Variants in LRFN5 observed in about 807,000 individuals in gnomAD.
The protein encoded by LRFN5 is leucine-rich repeat and fibronectin type-III domain-containing protein 5.
Under a neutral mutation model 45.6 loss-of-function variants are expected in LRFN5, and 24 were observed. That is an observed-to-expected ratio of 0.53 (90% CI 0.38 to 0.74). The LOEUF is 0.74. LRFN5 is among the 30% of genes least tolerant of loss of function. The pLI is 0.00. For missense variants in LRFN5, 776 were observed against 861.5 expected, an observed-to-expected ratio of 0.90 and a Z score of 1.24; for synonymous variants, 340 against 313.8, an observed-to-expected ratio of 1.08 and a Z score of -0.88.
intron 3 of LRFN5, among the ~76,000 whole-genome samples, chr14:41,889,144 A>G (rs548259633): frequency 6.6e-6 from 1 of 150,858 alleles, no homozygotes; most frequent in East Asian, 2.0e-4. Context: ...TGTTTAAGAT[A>G]TTCAGAAATC....
At chr14:41,793,052 G>T (rs1315196568) in intron 2 of LRFN5, among the ~76,000 whole-genome samples, 1 of 151,242 alleles carries the variant, frequency 6.6e-6, no homozygotes, top group Admixed American at 6.6e-5. Flanking sequence ...AATGCTAGAG[G>T]ACGAGTTAGT....
chr14:41,765,922 T>G (rs974165667), intron 1 of LRFN5, among the ~76,000 whole-genome samples: 5 of 152,150 alleles, frequency 3.3e-5, no homozygotes, highest in Admixed American at 6.5e-5. Context: ...TATAATCACT[T>G]CTTTAAATTT....
chr14:41,704,471 T>A (rs1306732881), intron 1 of LRFN5, among the ~76,000 whole-genome samples: 2 of 150,860 alleles, frequency 1.3e-5, no homozygotes, highest in Middle Eastern at 6.8e-3. Context: ...TCTGTGAGAT[T>A]TGAAGTCTCA....
intron 1 of LRFN5, among the ~76,000 whole-genome samples, chr14:41,759,272 A>G (rs188265606): frequency 2.0e-5 from 3 of 152,174 alleles, no homozygotes; most frequent in African/African-American, 7.2e-5. Flanking sequence ...CCCATACTCC[A>G]TGTGGTCCTT....
intron 1 of LRFN5, among the ~76,000 whole-genome samples, chr14:41,709,315 C>G (rs1883192040): frequency 6.6e-6 from 1 of 151,948 alleles, no homozygotes; most frequent in Admixed American, 6.6e-5. Flanking sequence ...TTGAGTGGAA[C>G]TCAGAAGACT....
In LRFN5 at chr14:41,607,132, CTA is replaced by C. The variant is rs1159354745; in HGVS notation, c.-1625_-1624del. The stretch of plus-strand genomic sequence containing the variant: ...TGTGCAGAGCTGCCCGAACGGAGGA[CTA>C]TGTATGTGTGTGCGCGTGTTTGCGT... On this transcript the variant is annotated 5_prime_UTR_variant, in exon 1 of 6. The change abolishes an upstream ATG in the 5' untranslated region. Coordinates refer to ENST00000298119, the MANE Select transcript of LRFN5 (RefSeq NM_152447.5). Among the ~76,000 whole-genome samples, 2 of 152,136 alleles carry C rather than the reference CTA, an allele frequency of 1.3e-5. No individual in the cohort carries two copies. Among genetic ancestry groups the C allele is most frequent in the Admixed American group, 1.3e-4 (2 of 15,282 alleles).
chr14:41,684,900 A>T (rs1416948744), intron 1 of LRFN5, among the ~76,000 whole-genome samples: 1 of 152,194 alleles, frequency 6.6e-6, no homozygotes, highest in Non-Finnish European at 1.5e-5. Context: ...CAAACTATCC[A>T]TCTGACAAGA....
chr14:41,636,423 G>A (rs1879310048), intron 1 of LRFN5, among the ~76,000 whole-genome samples: 1 of 152,096 alleles, frequency 6.6e-6, no homozygotes, highest in Non-Finnish European at 1.5e-5. Flanking sequence ...TGGTCTGAAA[G>A]AGGAGTTAAT....
chr14:41,838,361 C>T (rs1888737223), intron 2 of LRFN5, among the ~76,000 whole-genome samples: 1 of 152,110 alleles, frequency 6.6e-6, no homozygotes, highest in African/African-American at 2.4e-5. Flanking sequence ...AAGTAGGACT[C>T]CGTGGACTTG....
At chr14:41,892,884 AT>A in intron 4 of LRFN5, 3 of 985,184 alleles carry the variant, frequency 3.0e-6, no homozygotes, top group Non-Finnish European at 3.6e-6. Context: ...TTTAATACAC[AT>A]TTTTTGAATG....
rs867888747 is a variant in LRFN5, at chr14:41,675,355, C to A, written c.-197+66793C>A. Among the ~76,000 whole-genome samples the A allele has an allele frequency of 3.3e-5, 5 of 152,376 alleles. 1 individual carries two copies. Among genetic ancestry groups the A allele is most frequent in the African/African-American group, 1.2e-4 (5 of 41,596 alleles). On this transcript the variant is annotated intron_variant, in intron 1 of 5. Transcript: ENST00000298119. The stretch of plus-strand genomic sequence containing the variant: ...CCAGACTCCGTCTGCAATCCCGGCA[C>A]CTCGGGAGGCCGAGGCTGGCGGATC...
chr14:41,826,711 G>C (rs996018570), intron 2 of LRFN5, among the ~76,000 whole-genome samples: 1 of 152,070 alleles, frequency 6.6e-6, no homozygotes, highest in Admixed American at 6.6e-5. Flanking sequence ...AGATTGCTTG[G>C]GTTTGAATAC....
intron 1 of LRFN5, among the ~76,000 whole-genome samples, chr14:41,659,892 G>GTTTTTTTTTTTTTTTTTTT (rs11352345): frequency 8.1e-6 from 1 of 123,892 alleles, no homozygotes; most frequent in Non-Finnish European, 1.8e-5. Flanking sequence ...ACTTTTTGAT[G>GTTTTTTTTTTTTTTTTTTT]TTTTTTTTTT....
At chr14:41,725,580 C>G (rs1038778506) in intron 1 of LRFN5, among the ~76,000 whole-genome samples, 3 of 152,112 alleles carry the variant, frequency 2.0e-5, no homozygotes, top group Admixed American at 6.6e-5. Flanking sequence ...GGGGCCAGAA[C>G]ATTTCTTTAA....
At chr14:41,721,137 T>G (rs576511441) in intron 1 of LRFN5, among the ~76,000 whole-genome samples, 2 of 152,278 alleles carry the variant, frequency 1.3e-5, no homozygotes, top group South Asian at 4.1e-4. Context: ...TTATGTAATG[T>G]TCTTCTTTGG....
intron 2 of LRFN5, among the ~76,000 whole-genome samples, chr14:41,820,084 TTG>T (rs774064732): frequency 5.9e-5 from 9 of 152,154 alleles, no homozygotes; most frequent in South Asian, 2.1e-4. Context: ...ATACTGTTGA[TTG>T]TGTGTTTTGC....
At position 41,856,675 on chromosome 14, in the gene LRFN5, A is replaced by ATTATTATTATTATTTTT; in HGVS notation, c.-20-29929_-20-29928insATTATTATTATTTTTTT. 6.1e-3 allele frequency among the ~76,000 whole-genome samples: 111 copies of ATTATTATTATTATTTTT among 18,326 alleles called. 9 individuals carry two copies. Among genetic ancestry groups the ATTATTATTATTATTTTT allele is most frequent in the South Asian group, 0.01 (2 of 196 alleles). The allele number at this position is 18,326 out of a possible 152,430, so 12.0% of individuals were successfully genotyped here. On this transcript the variant is annotated intron_variant, in intron 2 of 5. Transcript: ENST00000298119. ...TTCTTTCCTAATTATTATTATTATTATTTTTTTTTTTTTTTTTTTGAGACG... is the reference window on the plus strand; with the variant it reads ...TTCTTTCCTAATTATTATTATTATTATTATTATTATTATTTTTTTTTTTTTTTTTTTTTTTTGAGACG...
At chr14:41,612,577 A>G (rs1887793098) in intron 1 of LRFN5, among the ~76,000 whole-genome samples, 2 of 152,148 alleles carry the variant, frequency 1.3e-5, no homozygotes, top group Non-Finnish European at 2.9e-5. Flanking sequence ...TTCCAATGAC[A>G]CACATGTGCA....
chr14:41,816,190 A>T (rs1361725670), intron 2 of LRFN5, among the ~76,000 whole-genome samples: 1 of 148,974 alleles, frequency 6.7e-6, no homozygotes, highest in Non-Finnish European at 1.5e-5. Flanking sequence ...TGAGTTTTTT[A>T]TAATGACAAA....
Sources: allele counts gnomAD v4.1 joint callset (sites outside exome capture counted in the v4.1 genomes callset), GRCh38; gene constraint gnomAD v4.1.1; transcripts MANE v1.5; gene names NCBI Gene and HGNC (gene_info 2026-07-23, HGNC 2026-07-21).